The following SPMAP2L variants were observed in gnomAD, a reference collection of about 807,000 sequenced individuals.
SPMAP2L encodes sperm microtubule associated protein 2-like.
At chr4:56,587,472 C>T in the SPMAP2L span, among the ~76,000 whole-genome samples, 2 of 146,740 alleles carry the variant, frequency 1.4e-5, no homozygotes, top group Admixed American at 1.4e-4. Flanking sequence ...ACCCCCCTCC[C>T]ACTCTTCCCC....
At chr4:56,544,951 G>A in the SPMAP2L span, among the ~76,000 whole-genome samples, 8 of 152,218 alleles carry the variant, frequency 5.3e-5, no homozygotes, top group African/African-American at 2.4e-5. Flanking sequence ...GTGGTGGCCA[G>A]CACGCCCGGG....
chr4:56,598,955 G>A, the SPMAP2L span, among the ~76,000 whole-genome samples: 197 of 152,112 alleles, frequency 1.3e-3, 1 homozygote, highest in Non-Finnish European at 2.2e-3. Flanking sequence ...TTCCCCCTTC[G>A]CTGGGCTCTT....
the SPMAP2L span, chr4:56,593,833 A>G: frequency 6.2e-7 from 1 of 1,610,570 alleles, no homozygotes. Context: ...CGAATATGGC[A>G]GCCATGTTTG....
chr4:56,546,258 G>A, the SPMAP2L span, among the ~76,000 whole-genome samples: 2 of 152,116 alleles, frequency 1.3e-5, no homozygotes, highest in South Asian at 2.1e-4. Flanking sequence ...GAACTCAGTC[G>A]TGAAAATACT....
At chr4:56,584,684 G>A in the SPMAP2L span, 3 of 1,026,548 alleles carry the variant, frequency 2.9e-6, no homozygotes, top group South Asian at 1.4e-5. Context: ...TTTTCTAGAT[G>A]TGTTTTCCTT....
At chr4:56,579,635 T>C in the SPMAP2L span, among the ~76,000 whole-genome samples, 2 of 152,052 alleles carry the variant, frequency 1.3e-5, no homozygotes, top group East Asian at 3.9e-4. Flanking sequence ...TTGGCCATGG[T>C]GGCATGTGTC....
chr4:56,575,513 A>C, the SPMAP2L span: 12 of 1,535,326 alleles, frequency 7.8e-6, no homozygotes, highest in Non-Finnish European at 9.6e-6. Context: ...AGGGCTCAAT[A>C]CTACCACAGC....
chr4:56,549,488 C>A, the SPMAP2L span, among the ~76,000 whole-genome samples: 1 of 152,064 alleles, frequency 6.6e-6, no homozygotes, highest in East Asian at 1.9e-4. Context: ...CAAGAAAGTA[C>A]CCTTTATGAA....
the SPMAP2L span, chr4:56,575,401 G>C: frequency 0.19 from 247,200 of 1,307,516 alleles, 32,321 homozygotes; most frequent in African/African-American, 0.57. Flanking sequence ...ATAATAAACT[G>C]TCATACCTGC....
chr4:56,530,637 G>A, the SPMAP2L span: 1,826 of 1,517,946 alleles, frequency 1.2e-3, 25 homozygotes, highest in African/African-American at 0.022. Context: ...CAACCAGTCG[G>A]GAGGGTGAGT....
chr4:56,577,835 T>A, the SPMAP2L span, among the ~76,000 whole-genome samples: 2 of 152,014 alleles, frequency 1.3e-5, no homozygotes, highest in Admixed American at 6.6e-5. Context: ...AAACAAAAAA[T>A]TTATTGGGGT....
chr4:56,579,819 A>G, the SPMAP2L span, among the ~76,000 whole-genome samples: 1 of 152,216 alleles, frequency 6.6e-6, no homozygotes, highest in Non-Finnish European at 1.5e-5. Flanking sequence ...AATAAAAGCC[A>G]GCAAATGAGA....
chr4:56,565,220 A>G, the SPMAP2L span, among the ~76,000 whole-genome samples: 1 of 152,158 alleles, frequency 6.6e-6, no homozygotes, highest in South Asian at 2.1e-4. Flanking sequence ...ATCCTTACTG[A>G]TATTCTGTTT....
the SPMAP2L span, among the ~76,000 whole-genome samples, chr4:56,546,000 G>A: frequency 1.3e-5 from 2 of 152,064 alleles, no homozygotes; most frequent in African/African-American, 4.8e-5. Context: ...CGCCATGTTG[G>A]CCAGGCTGGT....
the SPMAP2L span, among the ~76,000 whole-genome samples, chr4:56,547,958 C>G: frequency 6.6e-6 from 1 of 152,178 alleles, no homozygotes; most frequent in Non-Finnish European, 1.5e-5. Flanking sequence ...GAAGATTTTT[C>G]TGCATAAATC....
the SPMAP2L span, among the ~76,000 whole-genome samples, chr4:56,532,863 A>G: frequency 6.6e-6 from 1 of 152,200 alleles, no homozygotes; most frequent in Non-Finnish European, 1.5e-5. Flanking sequence ...GGCACCCACT[A>G]TCAAAGCCAT....
At chr4:56,623,737 A>G in the SPMAP2L span, among the ~76,000 whole-genome samples, 4 of 152,082 alleles carry the variant, frequency 2.6e-5, no homozygotes, top group African/African-American at 9.7e-5. Flanking sequence ...TTCTCTTGCC[A>G]CTGCCATGTA....
At chr4:56,590,776 A>G in the SPMAP2L span, among the ~76,000 whole-genome samples, 1,035 of 152,358 alleles carry the variant, frequency 6.8e-3, 13 homozygotes, top group African/African-American at 0.023. Context: ...TTTTTAGATC[A>G]TAAGCCTTAA....
At chr4:56,592,847 G>C in the SPMAP2L span, among the ~76,000 whole-genome samples, 8 of 152,170 alleles carry the variant, frequency 5.3e-5, no homozygotes, top group Non-Finnish European at 8.8e-5. Flanking sequence ...CGACGACTTC[G>C]CTCGGAGGCA....
Sources: allele counts gnomAD v4.1 joint callset (sites outside exome capture counted in the v4.1 genomes callset), GRCh38; gene constraint gnomAD v4.1.1; transcripts MANE v1.5; gene names NCBI Gene and HGNC (gene_info 2026-07-23, HGNC 2026-07-21).